CSMD1: variants seen among roughly 807,000 people sequenced by gnomAD.
The protein encoded by CSMD1 is CUB and sushi domain-containing protein 1.
CSMD1 carries 213 observed loss-of-function variants against 417.5 expected under a neutral mutation model. The ratio of observed to expected loss-of-function variants is 0.51; its 90% CI spans 0.46 to 0.57. CSMD1 has a LOEUF of 0.57. Among genes scored for constraint, CSMD1 ranks in the 20% least tolerant of loss-of-function variants. The pLI is 0.00. For missense variants in CSMD1, 6,923 were observed against 4,529.7 expected, an observed-to-expected ratio of 1.53 and a Z score of -15.17; for synonymous variants, 2,862 against 1,736.8, an observed-to-expected ratio of 1.65 and a Z score of -16.11.
chr8:3,703,436 TTTCATTCATTCATTCA>T lies in CSMD1; in HGVS notation c.1009+4962_1009+4977del, dbSNP rs199822463. The stretch of plus-strand genomic sequence containing the variant: ...AAAGCACAGAGATTCCTTTCTCCCT[TTTCATTCATTCATTCA>T]TTCATTCATTCATTCATTCATTCAT... On this transcript the variant is annotated intron_variant, in intron 7 of 69. Transcript: ENST00000635120. Among the ~76,000 whole-genome samples, 20 of 149,928 alleles carry T rather than the reference TTTCATTCATTCATTCA, an allele frequency of 1.3e-4. 1 individual carries two copies. The highest frequency in any genetic ancestry group is 7.3e-4 in the Admixed American group (11 of 15,020).
At chr8:3,958,820 G>A (rs1812138489) in intron 5 of CSMD1, among the ~76,000 whole-genome samples, 1 of 152,206 alleles carries the variant, frequency 6.6e-6, no homozygotes, top group African/African-American at 2.4e-5. Flanking sequence ...ACATCAGGAG[G>A]ATCTGCAGAG....
chr8:3,345,258 A>G (rs1807913714), intron 22 of CSMD1, among the ~76,000 whole-genome samples: 1 of 152,146 alleles, frequency 6.6e-6, no homozygotes, highest in Admixed American at 6.5e-5. Flanking sequence ...GAGAGATTGC[A>G]CCTTGCTCCC....
intron 3 of CSMD1, among the ~76,000 whole-genome samples, chr8:4,342,496 C>A (rs1483236991): frequency 6.6e-6 from 1 of 152,016 alleles, no homozygotes; most frequent in Admixed American, 6.6e-5. Context: ...CTAAATCAGC[C>A]AGGGTAGGTT....
chr8:4,584,991 T>A (rs1451429605), intron 2 of CSMD1, among the ~76,000 whole-genome samples: 1 of 151,600 alleles, frequency 6.6e-6, no homozygotes, highest in Non-Finnish European at 1.5e-5. Flanking sequence ...AAATCAAACC[T>A]CAACCAGACT....
intron 25 of CSMD1, among the ~76,000 whole-genome samples, chr8:3,295,922 C>T (rs575795557): frequency 1.3e-4 from 20 of 152,146 alleles, no homozygotes; most frequent in Non-Finnish European, 1.9e-4. Flanking sequence ...GAGTGCACCT[C>T]GAGGAACTTT....
At chr8:3,753,353 C>T (rs903546726) in intron 6 of CSMD1, among the ~76,000 whole-genome samples, 2 of 152,132 alleles carry the variant, frequency 1.3e-5, no homozygotes, top group African/African-American at 4.8e-5. Flanking sequence ...ACAATATGAT[C>T]TAGGTATAAA....
intron 26 of CSMD1, among the ~76,000 whole-genome samples, chr8:3,256,096 G>C (rs921413012): frequency 6.6e-6 from 1 of 152,112 alleles, no homozygotes; most frequent in Non-Finnish European, 1.5e-5. Flanking sequence ...GGGGGGCTGA[G>C]GCAGACCAAT....
At chr8:3,850,706 A>G (rs1192680925) in intron 5 of CSMD1, among the ~76,000 whole-genome samples, 1 of 152,114 alleles carries the variant, frequency 6.6e-6, no homozygotes, top group Non-Finnish European at 1.5e-5. Context: ...AAAAATAAAT[A>G]TAAATAAACA....
intron 6 of CSMD1, among the ~76,000 whole-genome samples, chr8:3,745,304 T>A (rs914555683): frequency 2.6e-5 from 4 of 152,276 alleles, no homozygotes; most frequent in African/African-American, 9.6e-5. Flanking sequence ...AACATGATGG[T>A]CAGCTCTGCA....
At chr8:3,654,288 T>A (rs867719109) in intron 7 of CSMD1, among the ~76,000 whole-genome samples, 2 of 152,182 alleles carry the variant, frequency 1.3e-5, no homozygotes, top group African/African-American at 4.8e-5. Context: ...TTAAGTACAA[T>A]AGAAATACAA....
intron 5 of CSMD1, among the ~76,000 whole-genome samples, chr8:3,946,870 C>T (rs1489132035): frequency 2.0e-5 from 3 of 152,082 alleles, no homozygotes; most frequent in Non-Finnish European, 4.4e-5. Flanking sequence ...TTGCTCATTG[C>T]TTGTATCGAT....
intron 3 of CSMD1, among the ~76,000 whole-genome samples, chr8:4,251,235 G>A (rs1585098503): frequency 6.6e-6 from 1 of 152,020 alleles, no homozygotes; most frequent in African/African-American, 2.4e-5. Flanking sequence ...AACAATATAT[G>A]TTTCCCTCAC....
At chr8:4,579,445 G>A (rs927993689) in intron 2 of CSMD1, among the ~76,000 whole-genome samples, 40 of 151,724 alleles carry the variant, frequency 2.6e-4, no homozygotes, top group African/African-American at 9.2e-4. Context: ...TGCAACCTCC[G>A]CCTCCCAGGT....
intron 3 of CSMD1, among the ~76,000 whole-genome samples, chr8:4,333,747 C>G (rs553607428): frequency 6.6e-6 from 1 of 152,132 alleles, no homozygotes; most frequent in Non-Finnish European, 1.5e-5. Flanking sequence ...AGATCTAGTC[C>G]GCTGCCTGCC....
intron 5 of CSMD1, among the ~76,000 whole-genome samples, chr8:3,994,363 G>C (rs148205100): frequency 1.8e-3 from 272 of 148,336 alleles, no homozygotes; most frequent in Non-Finnish European, 3.0e-3. Context: ...ACCATAGAGG[G>C]AGAACTCAGA....
rs547212386 is a variant in CSMD1, at chr8:4,951,863, C to G, written c.85+42469G>C. On this transcript the variant is annotated intron_variant, in intron 1 of 69. Transcript: ENST00000635120. ...ACAAAGTTAATACACTGAAGGACCA[C>G]CCTGCATATACAATGAGCTATAAAA... Among the ~76,000 whole-genome samples, 60 of 137,788 alleles carry G rather than the reference C, an allele frequency of 4.4e-4. 2 individuals carry two copies. In the East Asian group the frequency reaches 7.7e-3, roughly 18 times the overall value. The allele number at this position is 137,788 out of a possible 152,430, so 90.4% of individuals were successfully genotyped here.
chr8:2,985,823 C>T (rs545381114), intron 54 of CSMD1, among the ~76,000 whole-genome samples: 2 of 151,576 alleles, frequency 1.3e-5, no homozygotes, highest in South Asian at 2.1e-4. Context: ...ATTTATTCTA[C>T]AAGGAAACCG....
intron 2 of CSMD1, among the ~76,000 whole-genome samples, chr8:4,481,598 A>T (rs1483981470): frequency 6.6e-6 from 1 of 152,156 alleles, no homozygotes; most frequent in African/African-American, 2.4e-5. Context: ...ATCTCATCTA[A>T]TCCTTATAAA....
chr8:4,156,226 T>C (rs1027122087), intron 3 of CSMD1, among the ~76,000 whole-genome samples: 2 of 152,190 alleles, frequency 1.3e-5, no homozygotes, highest in Non-Finnish European at 2.9e-5. Context: ...ATCCTTGGGG[T>C]GGTAGCAAAA....
Sources: gnomAD v4.1 joint callset for allele counts (sites outside exome capture counted in the v4.1 genomes callset) on GRCh38, gnomAD v4.1.1 for gene constraint, MANE v1.5 for transcripts, NCBI Gene and HGNC (gene_info 2026-07-23, HGNC 2026-07-21) for gene names.